The following MTUS2 variants were observed in gnomAD, a reference collection of about 807,000 sequenced individuals.
MTUS2 encodes microtubule associated scaffold protein 2, also known as microtubule-associated tumor suppressor candidate 2.
A neutral mutation model predicts 114.1 loss-of-function variants in MTUS2; 40 were observed. The observed-to-expected ratio is 0.35, with a 90% confidence interval of 0.27 to 0.46. The LOEUF is 0.46. Ranked by LOEUF, MTUS2 falls within the 20% of genes least tolerant of loss-of-function variation. The pLI is 1.00. For synonymous variants in MTUS2, 688 were observed against 672.0 expected (o/e 1.02, Z -0.37); for missense variants, 1,679 against 1,705.4 (o/e 0.98, Z 0.27).
At chr13:28,983,743 CTG>C (rs1566269474) in intron 2 of MTUS2, among the ~76,000 whole-genome samples, 1 of 152,238 alleles carries the variant, frequency 6.6e-6, no homozygotes, top group African/African-American at 2.4e-5. Context: ...AGCCAGCAAT[CTG>C]TGTTTTAACA....
At chr13:29,240,580 G>T (rs1385084685) in intron 5 of MTUS2, among the ~76,000 whole-genome samples, 1 of 152,142 alleles carries the variant, frequency 6.6e-6, no homozygotes, top group Non-Finnish European at 1.5e-5. Context: ...CATTACTTTT[G>T]TCAGTGTAAG....
chr13:28,857,553 A>G (rs1876714669), intron 2 of MTUS2, among the ~76,000 whole-genome samples: 1 of 152,260 alleles, frequency 6.6e-6, no homozygotes, highest in Non-Finnish European at 1.5e-5. Flanking sequence ...GAAAAGGCAG[A>G]AATAGATAAT....
chr13:29,318,622 T>C (rs1319289054), intron 6 of MTUS2, among the ~76,000 whole-genome samples: 1 of 152,190 alleles, frequency 6.6e-6, no homozygotes, highest in African/African-American at 2.4e-5. Flanking sequence ...TTGGTCTTTG[T>C]TTTAAGCATT....
At chr13:29,228,750 A>AGG (rs35730114) in intron 5 of MTUS2, among the ~76,000 whole-genome samples, 8 of 152,050 alleles carry the variant, frequency 5.3e-5, no homozygotes, top group African/African-American at 7.2e-5. Flanking sequence ...AGAAAGGAGA[A>AGG]GGGGGGGAAG....
chr13:28,913,674 A>T (rs1218467482), intron 2 of MTUS2, among the ~76,000 whole-genome samples: 1 of 152,126 alleles, frequency 6.6e-6, no homozygotes, highest in African/African-American at 2.4e-5. Flanking sequence ...TGTTGGGAAT[A>T]GTTTCAGTAG....
chr13:29,315,517 G>A (rs912286096), intron 6 of MTUS2, among the ~76,000 whole-genome samples: 1 of 152,124 alleles, frequency 6.6e-6, no homozygotes, highest in African/African-American at 2.4e-5. Context: ...GGAAAAAATG[G>A]AAGAATTAAT....
intron 9 of MTUS2, among the ~76,000 whole-genome samples, chr13:29,444,729 G>A (rs1017736237): frequency 4.6e-5 from 7 of 152,220 alleles, no homozygotes; most frequent in Non-Finnish European, 1.0e-4. Context: ...ATCATGGGGG[G>A]CCCTGGGCAG....
chr13:29,212,055 C>T lies in MTUS2; in HGVS notation c.2645-69649C>T, dbSNP rs185715412. Among the ~76,000 whole-genome samples, 534 of 152,158 alleles carry T rather than the reference C, an allele frequency of 3.5e-3. 3 individuals carry two copies. Among genetic ancestry groups the T allele is most frequent in the Admixed American group, 6.3e-3 (96 of 15,282 alleles). Reference sequence around the variant, plus strand: ...TTAGTTGATGTCATTGGTTGGAGGTCTTTCTTTCATTGTGTATGTGTTTAG... The same window carrying T: ...TTAGTTGATGTCATTGGTTGGAGGTTTTTCTTTCATTGTGTATGTGTTTAG... On this transcript the variant is annotated intron_variant, in intron 5 of 15. Transcript: ENST00000612955.
intron 4 of MTUS2, among the ~76,000 whole-genome samples, chr13:29,084,781 A>ACCCCCC (rs774295228): frequency 2.2e-5 from 2 of 92,158 alleles, no homozygotes; most frequent in African/African-American, 8.8e-5. Context: ...CAGGTGATCC[A>ACCCCCC]CCCCCCCCCC....
At chr13:28,846,072 A>ATG (rs1555267194) in intron 2 of MTUS2, among the ~76,000 whole-genome samples, 19 of 149,918 alleles carry the variant, frequency 1.3e-4, no homozygotes, top group Non-Finnish European at 2.1e-4. Context: ...ATATATATAT[A>ATG]TATTCCTCCT....
Position 29,503,070 on chromosome 13 carries a change from C to T in MTUS2, c.3974C>T (p.Thr1325Ile). 1 of 1,614,236 alleles carries T rather than the reference C, an allele frequency of 6.2e-7. No individual in the cohort carries two copies. The highest frequency in any genetic ancestry group is 8.5e-7 in the Non-Finnish European group (1 of 1,180,040). ...CAGGAGAAGAAGAGATTGAGCCGAA[C>T]CAATGAAGAGCTGCTTTGGAAGCTC... Reference protein sequence around the residue: ...ETQEKKRLSRTNEELLWKLQT... With the variant: ...ETQEKKRLSRINEELLWKLQT... The change falls in exon 16 of 16, where the codon ACC becomes ATC. Residue 1325 changes from threonine (T) to isoleucine (I), a missense_variant. Thr to Ile is a moderately conservative substitution (Grantham distance 89). This residue lies in a region of MTUS2 where 822 missense variants were observed against 899.7 expected (regional missense o/e 0.91). Transcript: ENST00000612955.
At chr13:28,952,540 C>T (rs932564384) in intron 2 of MTUS2, among the ~76,000 whole-genome samples, 3 of 152,068 alleles carry the variant, frequency 2.0e-5, no homozygotes, top group Admixed American at 6.6e-5. Context: ...CCCTTACTTT[C>T]TCTTCTGTCA....
Position 29,026,077 on chromosome 13 carries a change from G to A in MTUS2, c.1379G>A (p.Gly460Asp), listed in dbSNP as rs1886526575. Residue 460 changes from glycine to aspartate, a missense_variant, in exon 3 of 16, where the codon GGC becomes GAC. Physicochemically the swap from Gly to Asp is moderately conservative, Grantham distance 94. This residue lies in a region of MTUS2 where 843 missense variants were observed against 770.8 expected (regional missense o/e 1.09). Transcript: ENST00000612955. Reference sequence around the variant, plus strand: ...GTCATTGAGGAGGAAAGGCGGTTGGGCAGTGGGAATAAGGACAGTGTTATG... The same window carrying A: ...GTCATTGAGGAGGAAAGGCGGTTGGACAGTGGGAATAAGGACAGTGTTATG... The part of the protein sequence containing the change: ...LDVIEEERRL[G>D]SGNKDSVMVL... 1 of 1,613,876 alleles carries A rather than the reference G, an allele frequency of 6.2e-7. No individual in the cohort carries two copies. The highest frequency in any genetic ancestry group is 8.5e-7 in the Non-Finnish European group (1 of 1,179,910).
At chr13:28,923,596 T>C (rs1032565506) in intron 2 of MTUS2, among the ~76,000 whole-genome samples, 13 of 152,210 alleles carry the variant, frequency 8.5e-5, no homozygotes, top group African/African-American at 2.7e-4. Context: ...CTTGCCCCTC[T>C]AGACGGGGAA....
In MTUS2 at chr13:29,031,272, T is replaced by TGTGTG. The variant is rs1886808681; in HGVS notation, c.2206-2612_2206-2608dup. Among the ~76,000 whole-genome samples the TGTGTG allele has an allele frequency of 2.2e-5, 3 of 134,296 alleles. No homozygotes were observed. In the South Asian group the frequency reaches 7.4e-4, roughly 33 times the overall value. The allele number at this position is 134,296 out of a possible 152,430, so 88.1% of individuals were successfully genotyped here. ...TGTGTGTGTGTGTGTGTGTGTGTGG[T>TGTGTG]GTGTGTTCACAGGTCTATATTCATC... On this transcript the variant is annotated intron_variant, in intron 3 of 15. Coordinates refer to ENST00000612955, the MANE Select transcript of MTUS2 (RefSeq NM_001033602.4).
chr13:28,931,646 A>G (rs1881621561), intron 2 of MTUS2, among the ~76,000 whole-genome samples: 1 of 152,162 alleles, frequency 6.6e-6, no homozygotes, highest in Admixed American at 6.5e-5. Flanking sequence ...AAAATGGACT[A>G]ATACAGCATA....
chr13:29,149,873 G>A (rs377348931), intron 5 of MTUS2, among the ~76,000 whole-genome samples: 1 of 152,100 alleles, frequency 6.6e-6, no homozygotes, highest in Non-Finnish European at 1.5e-5. Flanking sequence ...ATTGATATGT[G>A]TGTCTGTTCT....
Position 29,200,521 on chromosome 13 carries a change from G to GTTTTTTTTTTTT in MTUS2, c.2645-81178_2645-81167dup, listed in dbSNP as rs56965083. Among the ~76,000 whole-genome samples the GTTTTTTTTTTTT allele has an allele frequency of 9.7e-4, 83 of 85,404 alleles. 4 individuals carry two copies. The highest frequency in any genetic ancestry group is 1.8e-3 in the African/African-American group (37 of 20,212). 56.0% of individuals were successfully genotyped at this position (85,404 alleles called of 152,430 possible). A position where few individuals can be genotyped will look rare whatever the true frequency, so the allele number is the denominator to read the frequency against. The stretch of plus-strand genomic sequence containing the variant: ...TGGTTTTGAGTGAGTTTCTTTTTCT[G>GTTTTTTTTTTTT]TTTTTTTTTTTTTTTTGAGATGGAG... On this transcript the variant is annotated intron_variant, in intron 5 of 15. Coordinates refer to ENST00000612955, the MANE Select transcript of MTUS2 (RefSeq NM_001033602.4).
At chr13:29,086,953 G>T (rs932736082) in intron 4 of MTUS2, among the ~76,000 whole-genome samples, 42 of 152,212 alleles carry the variant, frequency 2.8e-4, no homozygotes, top group African/African-American at 9.4e-4. Flanking sequence ...TATTAATTTT[G>T]TATTCTGAAA....
Sources: allele counts gnomAD v4.1 joint callset (sites outside exome capture counted in the v4.1 genomes callset), GRCh38; gene constraint gnomAD v4.1.1; regional missense constraint gnomAD v4.1.1; transcripts MANE v1.5; gene names NCBI Gene and HGNC (gene_info 2026-07-23, HGNC 2026-07-21).